GLI3: variants seen among roughly 807,000 people sequenced by gnomAD.
The protein encoded by GLI3 is transcription activator GLI3.
Under a neutral mutation model 100.8 loss-of-function variants are expected in GLI3, and 20 were observed. That is an observed-to-expected ratio of 0.20 (90% CI 0.14 to 0.29). The LOEUF (loss-of-function observed/expected upper bound fraction) is 0.29, where lower values mean the gene tolerates loss of function less well. Among genes scored for constraint, GLI3 ranks in the 10% least tolerant of loss-of-function variants. The pLI is 1.00. For synonymous variants in GLI3, 938 were observed against 860.5 expected, an observed-to-expected ratio of 1.09 and a Z score of -1.58; for missense variants, 2,040 against 2,128.5, an observed-to-expected ratio of 0.96 and a Z score of 0.82.
intron 4 of GLI3, among the ~76,000 whole-genome samples, chr7:42,051,666 T>A (rs1480710908): frequency 6.6e-6 from 1 of 152,198 alleles, no homozygotes; most frequent in East Asian, 1.9e-4. Context: ...TATTAAGACA[T>A]TCTTTTTGTT....
At chr7:42,219,458 TTTTTCACTTGCATTA>T (rs1788440049) in intron 2 of GLI3, among the ~76,000 whole-genome samples, 1 of 152,114 alleles carries the variant, frequency 6.6e-6, no homozygotes, top group Non-Finnish European at 1.5e-5. Flanking sequence ...TACAACACAG[TTTTTCACTTGCATTA>T]TTTTAAATTT....
At chr7:42,024,199 T>C (rs1394832420) in intron 9 of GLI3, among the ~76,000 whole-genome samples, 1 of 152,190 alleles carries the variant, frequency 6.6e-6, no homozygotes, top group Admixed American at 6.5e-5. Flanking sequence ...AAGGATATGC[T>C]CACTACCCAG....
intron 3 of GLI3, among the ~76,000 whole-genome samples, chr7:42,085,115 T>A (rs1785076857): frequency 6.6e-6 from 1 of 151,996 alleles, no homozygotes; most frequent in African/African-American, 2.4e-5. Flanking sequence ...ATTCACCATG[T>A]GAGCCAGGCT....
intron 4 of GLI3, among the ~76,000 whole-genome samples, chr7:42,049,836 AG>A (rs748880720): frequency 1.3e-5 from 2 of 152,178 alleles, no homozygotes; most frequent in Non-Finnish European, 2.9e-5. Flanking sequence ...TCATTCACAG[AG>A]GGTGCGGCCA....
At chr7:41,981,394 G>A (rs191598555) in intron 10 of GLI3, among the ~76,000 whole-genome samples, 259 of 152,322 alleles carry the variant, frequency 1.7e-3, no homozygotes, top group Non-Finnish European at 3.1e-3. Context: ...TACACCCCAG[G>A]GGAAAGCCAG....
At chr7:42,010,672 T>G (rs927761013) in intron 10 of GLI3, among the ~76,000 whole-genome samples, 24 of 152,050 alleles carry the variant, frequency 1.6e-4, no homozygotes, top group Non-Finnish European at 3.2e-4. Context: ...TTTGTTGGGG[T>G]GAAGTGTGAG....
chr7:42,190,575 T>C (rs1265130353), intron 2 of GLI3, among the ~76,000 whole-genome samples: 1 of 152,164 alleles, frequency 6.6e-6, no homozygotes, highest in Non-Finnish European at 1.5e-5. Context: ...ACTCAGACCC[T>C]GGTAGCGTTG....
chr7:42,196,165 A>T (rs1787924439), intron 2 of GLI3, among the ~76,000 whole-genome samples: 1 of 152,230 alleles, frequency 6.6e-6, no homozygotes, highest in South Asian at 2.1e-4. Context: ...TTTACTCATG[A>T]TTAAAGACAT....
chr7:42,130,275 A>G (rs1018763121), intron 3 of GLI3, among the ~76,000 whole-genome samples: 13 of 152,162 alleles, frequency 8.5e-5, no homozygotes, highest in African/African-American at 3.1e-4. Flanking sequence ...TGCCAAGCAG[A>G]ACAACATTAG....
At chr7:42,102,887 T>G (rs1785497560) in intron 3 of GLI3, among the ~76,000 whole-genome samples, 4 of 152,206 alleles carry the variant, frequency 2.6e-5, no homozygotes, top group Admixed American at 1.3e-4. Flanking sequence ...CAGAAATGCC[T>G]AATTGTGGCA....
At chr7:42,008,240 G>T (rs1396667899) in intron 10 of GLI3, among the ~76,000 whole-genome samples, 1 of 152,162 alleles carries the variant, frequency 6.6e-6, no homozygotes, top group Non-Finnish European at 1.5e-5. Flanking sequence ...ACGGGTCTCA[G>T]AGGACAATTC....
chr7:42,091,790 A>T (rs1785225970), intron 3 of GLI3, among the ~76,000 whole-genome samples: 1 of 152,118 alleles, frequency 6.6e-6, no homozygotes, highest in Non-Finnish European at 1.5e-5. Flanking sequence ...TTCCTTAACG[A>T]TTCTTCCCGG....
intron 3 of GLI3, among the ~76,000 whole-genome samples, chr7:42,113,195 A>G (rs10951669): frequency 0.51 from 76,856 of 151,962 alleles, 21,017 homozygotes; most frequent in East Asian, 0.71. Context: ...ATAAAGCCCA[A>G]GGAATGCCAG....
rs75487429 is a variant in GLI3, at chr7:42,148,362, T to C, written c.231A>G (p.Thr77=). Residue 77 remains threonine, a synonymous_variant, in exon 3 of 15, where the codon ACA becomes ACG. Coordinates refer to ENST00000395925, the MANE Select transcript of GLI3 (RefSeq NM_000168.6). ...GLSKVSEEPS[T]SSDERASLIK... Reference sequence around the variant, plus strand: ...TCAATGAGGCCCTCTCGTCACTCGATGTTGAAGGTTCCTCACTGACTTTGC... The same window carrying C: ...TCAATGAGGCCCTCTCGTCACTCGACGTTGAAGGTTCCTCACTGACTTTGC... 4.3e-6 allele frequency: 7 copies of C among 1,614,014 alleles called. No homozygotes were observed. The highest frequency in any genetic ancestry group is 1.1e-5 in the South Asian group (1 of 91,070).
rs998776601 is a variant in GLI3 at position 42,085,524 on chromosome 7, TAAG to T, written c.368-8670_368-8668del. Reference sequence around the variant, plus strand: ...CTATTATCAAGACAATCCTGAGAACTAAGAAGGGAAAATTTTATTATCCACTCA... The same window carrying T: ...CTATTATCAAGACAATCCTGAGAACTAAGGGAAAATTTTATTATCCACTCA... On this transcript the variant is annotated intron_variant, in intron 3 of 14. Transcript: ENST00000395925. 3.3e-4 allele frequency among the ~76,000 whole-genome samples: 51 copies of T among 152,296 alleles called. 1 individual carries two copies. Among genetic ancestry groups the T allele is most frequent in the Admixed American group, 2.9e-3 (44 of 15,294 alleles).
chr7:42,108,776 C>T, intron 3 of GLI3, among the ~76,000 whole-genome samples: 1 of 152,160 alleles, frequency 6.6e-6, no homozygotes, highest in Non-Finnish European at 1.5e-5. Flanking sequence ...CCTAAAATGG[C>T]TTACCTTAGC....
chr7:42,131,597 T>C (rs846380), intron 3 of GLI3, among the ~76,000 whole-genome samples: 41,600 of 151,954 alleles, frequency 0.27, 5,946 homozygotes, highest in Admixed American at 0.37. Context: ...AATCAATCTA[T>C]GGACAAAAAC....
chr7:42,016,614 T>G (rs1237098220), intron 10 of GLI3, among the ~76,000 whole-genome samples: 1 of 152,144 alleles, frequency 6.6e-6, no homozygotes, highest in African/African-American at 2.4e-5. Flanking sequence ...TGAAACACAT[T>G]CACACTGTAC....
intron 6 of GLI3, among the ~76,000 whole-genome samples, chr7:42,045,035 A>C (rs1294614796): frequency 6.6e-6 from 1 of 152,158 alleles, no homozygotes; most frequent in Non-Finnish European, 1.5e-5. Flanking sequence ...CTACAGGTAC[A>C]TGCCACTACA....
Sources: allele counts gnomAD v4.1 joint callset (sites outside exome capture counted in the v4.1 genomes callset), GRCh38; gene constraint gnomAD v4.1.1; transcripts MANE v1.5; gene names NCBI Gene and HGNC (gene_info 2026-07-23, HGNC 2026-07-21).